Variants in GRXCR1 observed in about 807,000 individuals in gnomAD.
GRXCR1 encodes glutaredoxin domain-containing cysteine-rich protein 1.
A neutral mutation model predicts 27.3 loss-of-function variants in GRXCR1; 27 were observed. The ratio of observed to expected loss-of-function variants is 0.99; its 90% CI spans 0.73 to 1.37. GRXCR1 has a LOEUF of 1.37. GRXCR1 is among the 40% of genes most tolerant of loss of function. GRXCR1 has a pLI of 0.00. For synonymous variants in GRXCR1, 122 were observed against 131.1 expected (o/e 0.93, Z 0.47); for missense variants, 379 against 354.4 (o/e 1.07, Z -0.56).
intron 2 of GRXCR1, among the ~76,000 whole-genome samples, chr4:43,001,521 G>A (rs1010875296): frequency 2.0e-5 from 3 of 152,094 alleles, no homozygotes; most frequent in Non-Finnish European, 4.4e-5. Flanking sequence ...GTGTTTTCCC[G>A]GGGAGAAATG....
intron 1 of GRXCR1, among the ~76,000 whole-genome samples, chr4:42,949,764 C>G (rs1309411539): frequency 6.6e-6 from 1 of 152,094 alleles, no homozygotes; most frequent in East Asian, 1.9e-4. Context: ...TTAGTACAGT[C>G]AGAGAGACAT....
chr4:43,008,336 TAACA>T (rs1042814214), intron 2 of GRXCR1, among the ~76,000 whole-genome samples: 12 of 152,194 alleles, frequency 7.9e-5, no homozygotes, highest in African/African-American at 2.9e-4. Context: ...CTATGTCTTT[TAACA>T]AACAACCTGT....
chr4:42,950,870 A>G (rs577992723), intron 1 of GRXCR1, among the ~76,000 whole-genome samples: 2 of 152,208 alleles, frequency 1.3e-5, no homozygotes, highest in Admixed American at 6.5e-5. Context: ...TATAATATCT[A>G]TGTCTATATG....
At chr4:42,998,303 C>A (rs934716082) in intron 2 of GRXCR1, among the ~76,000 whole-genome samples, 1 of 152,178 alleles carries the variant, frequency 6.6e-6, no homozygotes, top group East Asian at 1.9e-4. Context: ...TTGGCTGACC[C>A]CTTTCTTAAT....
At chr4:43,008,342 A>G (rs904259889) in intron 2 of GRXCR1, among the ~76,000 whole-genome samples, 2 of 152,180 alleles carry the variant, frequency 1.3e-5, no homozygotes, top group African/African-American at 4.8e-5. Context: ...CTTTTAACAA[A>G]CAACCTGTAA....
intron 2 of GRXCR1, among the ~76,000 whole-genome samples, chr4:42,998,488 T>G (rs7692356): frequency 0.031 from 4,646 of 152,120 alleles, 79 homozygotes; most frequent in South Asian, 0.058. Flanking sequence ...GAAGACAATA[T>G]CACAAAAACG....
At chr4:43,016,986 A>G (rs1237720871) in intron 2 of GRXCR1, among the ~76,000 whole-genome samples, 1 of 152,234 alleles carries the variant, frequency 6.6e-6, no homozygotes, top group Non-Finnish European at 1.5e-5. Context: ...CACATGTTAC[A>G]GCTCACTGCT....
intron 1 of GRXCR1, among the ~76,000 whole-genome samples, chr4:42,943,229 G>A (rs1246959053): frequency 1.3e-5 from 2 of 152,094 alleles, no homozygotes; most frequent in Non-Finnish European, 2.9e-5. Flanking sequence ...CACATTGCCT[G>A]ATGCATAGTT....
At chr4:42,894,263 G>A (rs1281582436) in intron 1 of GRXCR1, among the ~76,000 whole-genome samples, 1 of 152,034 alleles carries the variant, frequency 6.6e-6, no homozygotes, top group Admixed American at 6.6e-5. Flanking sequence ...TCTAGATTTT[G>A]TATAATAATT....
intron 1 of GRXCR1, among the ~76,000 whole-genome samples, chr4:42,931,951 C>G (rs370866361): frequency 6.6e-6 from 1 of 151,818 alleles, no homozygotes; most frequent in African/African-American, 2.4e-5. Flanking sequence ...ACATGGTGGC[C>G]GGCAATAGAG....
chr4:42,901,862 G>A (rs1746469075), intron 1 of GRXCR1, among the ~76,000 whole-genome samples: 1 of 152,150 alleles, frequency 6.6e-6, no homozygotes, highest in South Asian at 2.1e-4. Context: ...TCTTGACCAT[G>A]TGACTTCCTT....
intron 1 of GRXCR1, among the ~76,000 whole-genome samples, chr4:42,930,731 G>C (rs900029160): frequency 1.3e-5 from 2 of 152,010 alleles, no homozygotes; most frequent in African/African-American, 4.8e-5. Context: ...TTTGAGCCTT[G>C]GATTCCTCAG....
chr4:42,956,107 G>C (rs533222478), intron 1 of GRXCR1, among the ~76,000 whole-genome samples: 7 of 152,200 alleles, frequency 4.6e-5, no homozygotes, highest in African/African-American at 1.7e-4. Context: ...TAACTCCTTA[G>C]TCTGATTTGC....
chr4:42,911,924 G>GGATT (rs1192944188), intron 1 of GRXCR1, among the ~76,000 whole-genome samples: 1 of 152,106 alleles, frequency 6.6e-6, no homozygotes, highest in African/African-American at 2.4e-5. Context: ...GCCAGTGAGG[G>GGATT]GATTAGTTTA....
At chr4:42,964,719 G>A (rs1408474751) in intron 2 of GRXCR1, among the ~76,000 whole-genome samples, 1 of 151,970 alleles carries the variant, frequency 6.6e-6, no homozygotes, top group East Asian at 1.9e-4. Flanking sequence ...CCTGTTTGCT[G>A]GTATAGTTTT....
chr4:43,007,117 A>T (rs968387922), intron 2 of GRXCR1, among the ~76,000 whole-genome samples: 1 of 152,250 alleles, frequency 6.6e-6, no homozygotes, highest in Non-Finnish European at 1.5e-5. Context: ...ATTGACAGCA[A>T]TTAGGAAAAT....
intron 1 of GRXCR1, among the ~76,000 whole-genome samples, chr4:42,915,605 C>G (rs1051747987): frequency 6.6e-6 from 1 of 152,056 alleles, no homozygotes; most frequent in East Asian, 1.9e-4. Flanking sequence ...TAGCTTGGCT[C>G]AGGTCCTATT....
In GRXCR1 at chr4:42,919,920, C is replaced by G. The variant is rs113255546; in HGVS notation, c.384+26270C>G. Among the ~76,000 whole-genome samples, 879 of 152,026 alleles carry G rather than the reference C, an allele frequency of 5.8e-3. 12 individuals are homozygous for G. The highest frequency in any genetic ancestry group is 0.02 in the African/African-American group (834 of 41,488). On this transcript the variant is annotated intron_variant, in intron 1 of 3. Coordinates refer to ENST00000399770, the MANE Select transcript of GRXCR1 (RefSeq NM_001080476.3). ...CTGATGCATCATATAATGTGGTTTG[C>G]GGGAGAAATGGAATATAGAGTTATG...
intron 2 of GRXCR1, among the ~76,000 whole-genome samples, chr4:42,989,504 A>G (rs181789637): frequency 5.8e-4 from 89 of 152,332 alleles, no homozygotes; most frequent in African/African-American, 1.9e-3. Context: ...ATACCAGCTT[A>G]TAACAATGCA....
Sources: gnomAD v4.1 joint callset for allele counts (sites outside exome capture counted in the v4.1 genomes callset) on GRCh38, gnomAD v4.1.1 for gene constraint, MANE v1.5 for transcripts, NCBI Gene and HGNC (gene_info 2026-07-23, HGNC 2026-07-21) for gene names.